MGST1: variants seen among roughly 807,000 people sequenced by gnomAD.
MGST1 encodes glutathione S-transferase 12.
A neutral mutation model predicts 8.9 loss-of-function variants in MGST1; 5 were observed. That is an observed-to-expected ratio of 0.56 (90% CI 0.29 to 1.19). The LOEUF (loss-of-function observed/expected upper bound fraction) is 1.19, where lower values mean the gene tolerates loss of function less well. Ranked by LOEUF, MGST1 falls within the 50% of genes most tolerant of loss-of-function variation. The pLI is 0.08. For synonymous variants in MGST1, 54 were observed against 67.8 expected, an observed-to-expected ratio of 0.80 and a Z score of 1.00; for missense variants, 182 against 187.4, an observed-to-expected ratio of 0.97 and a Z score of 0.17.
chr12:16,437,748 A>C (rs1941001002), exon 2 of MGST1: 1 of 152,040 alleles, frequency 6.6e-6, no homozygotes. Flanking sequence ...TTTGGAAAAC[A>C]GGAATAAGTG....
At position 16,400,618 on chromosome 12, in the gene MGST1, C is replaced by T. The variant is rs182550310; in HGVS notation, n.778+17014C>T. The T allele has an allele frequency of 8.7e-5, 110 of 1,262,406 alleles. 1 individual carries two copies. Among genetic ancestry groups the T allele is most frequent in the African/African-American group, 6.9e-4 (47 of 68,130 alleles). 78.2% of individuals were successfully genotyped at this position (1,262,406 alleles called of 1,614,324 possible). On this transcript the variant is annotated intron_variant and non_coding_transcript_variant, in intron 1 of 1. Coordinates refer to the MGST1 transcript ENST00000359720. The stretch of plus-strand genomic sequence containing the variant: ...TGTCTGTTCCCCGGTCATCGTATGA[C>T]GCTTGGTATGTAATTTCTTTGACAA...
At chr12:16,572,339 C>CTTTTTTTTTTTTTTTTTTT (rs59773866) in intron 4 of MGST1, among the ~76,000 whole-genome samples, 6 of 89,530 alleles carry the variant, frequency 6.7e-5, no homozygotes, top group Non-Finnish European at 8.3e-5. Flanking sequence ...GGTCCAAACT[C>CTTTTTTTTTTTTTTTTTTT]TTTTTTTTTT....
At chr12:16,514,052 A>T (rs1941594750) in intron 4 of MGST1, 2 of 390,732 alleles carry the variant, frequency 5.1e-6, no homozygotes, top group Non-Finnish European at 1.0e-5. Context: ...CCTGGTCCCA[A>T]GCAGCAGAAG....
rs1940546150 is a variant in MGST1, at chr12:16,390,857, G to A, written n.778+7253G>A. On this transcript the variant is annotated intron_variant and non_coding_transcript_variant, in intron 1 of 1. Coordinates refer to the MGST1 transcript ENST00000359720. ...GATTGCTGGGTCAAATGGTATTTCTGTTTTTAGCTCTTTGAGGAAGCGCCA... is the reference window on the plus strand; with the variant it reads ...GATTGCTGGGTCAAATGGTATTTCTATTTTTAGCTCTTTGAGGAAGCGCCA... Among the ~76,000 whole-genome samples, 3 of 152,186 alleles carry A rather than the reference G, an allele frequency of 2.0e-5. No homozygotes were observed. In the South Asian group the frequency reaches 6.2e-4, roughly 32 times the overall value.
Position 16,431,987 on chromosome 12 carries a change from C to T in MGST1, n.779-5401C>T, listed in dbSNP as rs184387664. 1.7e-3 allele frequency among the ~76,000 whole-genome samples: 264 copies of T among 152,164 alleles called. 3 individuals carry two copies. Among genetic ancestry groups the T allele is most frequent in the African/African-American group, 6.1e-3 (255 of 41,524 alleles). On this transcript the variant is annotated intron_variant and non_coding_transcript_variant, in intron 1 of 1. Transcript: ENST00000359720. ...CATTTATAAAATCTCTTCTTTAATC[C>T]ATTTGAGAAATTCATTTTGATGATT...
rs1007925875 is a variant in MGST1, at chr12:16,471,702, A to C, written n.482+88098A>C. ...ACAATCTAACATGATCTAGCTTTAT[A>C]CTAAATTTACTATTGATAGTAGAAG... is the stretch of plus-strand genomic sequence containing the variant. On this transcript the variant is annotated intron_variant and non_coding_transcript_variant, in intron 4 of 4. Coordinates refer to the MGST1 transcript ENST00000538857. Among the ~76,000 whole-genome samples the C allele has an allele frequency of 2.0e-5, 3 of 152,210 alleles. No homozygotes were observed. In the East Asian group the frequency reaches 5.8e-4, roughly 29 times the overall value.
intron 4 of MGST1, among the ~76,000 whole-genome samples, chr12:16,450,201 A>G (rs191697063): frequency 6.6e-6 from 1 of 152,060 alleles, no homozygotes; most frequent in Non-Finnish European, 1.5e-5. Context: ...ACAGAAAGTA[A>G]TCAGCTGCTA....
intron 4 of MGST1, among the ~76,000 whole-genome samples, chr12:16,490,769 A>T (rs749560361): frequency 3.3e-5 from 5 of 152,168 alleles, no homozygotes; most frequent in African/African-American, 1.2e-4. Context: ...GCTGTATGAC[A>T]CCTGAGCATG....
At chr12:16,452,346 A>T (rs906403155) in intron 4 of MGST1, among the ~76,000 whole-genome samples, 1 of 151,250 alleles carries the variant, frequency 6.6e-6, no homozygotes, top group Admixed American at 6.6e-5. Context: ...ATGCTCTCAA[A>T]TTCACTTCCT....
At chr12:16,414,637 C>T (rs1204667972) in intron 1 of MGST1, among the ~76,000 whole-genome samples, 6 of 151,834 alleles carry the variant, frequency 4.0e-5, no homozygotes, top group South Asian at 2.1e-4. Context: ...GGATAGTCTC[C>T]ATCTCCTGAC....
intron 4 of MGST1, among the ~76,000 whole-genome samples, chr12:16,561,002 A>C (rs1234169198): frequency 6.6e-6 from 1 of 152,166 alleles, no homozygotes; most frequent in Non-Finnish European, 1.5e-5. Context: ...ATTTATGAAG[A>C]AGCCATTTAA....
intron 1 of MGST1, among the ~76,000 whole-genome samples, chr12:16,392,017 A>T (rs999964939): frequency 3.3e-5 from 5 of 152,070 alleles, no homozygotes; most frequent in South Asian, 4.1e-4. Context: ...TCCCATTGCT[A>T]GTTTTTGTCA....
At chr12:16,521,788 G>A (rs1180016444) in intron 4 of MGST1, among the ~76,000 whole-genome samples, 1 of 152,090 alleles carries the variant, frequency 6.6e-6, no homozygotes, top group African/African-American at 2.4e-5. Flanking sequence ...TCCAAAGAAA[G>A]AAAAGTGAAA....
In MGST1 at chr12:16,560,454, A is replaced by G. The variant is rs1231964332; in HGVS notation, n.483-29074A>G. On this transcript the variant is annotated intron_variant and non_coding_transcript_variant, in intron 4 of 4. Coordinates refer to the MGST1 transcript ENST00000538857. The surrounding 1 kb of genome is among the most constrained non-coding windows in gnomAD (Gnocchi z 5.0). ...GACATGCAAAGCAGTCCAGGTGGTA[A>G]ACATTGTCCTTGGCACGCATCACCA... The G allele has an allele frequency of 6.2e-7, 1 of 1,613,890 alleles. No individual in the cohort carries two copies. The highest frequency in any genetic ancestry group is 8.5e-7 in the Non-Finnish European group (1 of 1,179,924).
rs543441099 is a variant in MGST1 at position 16,429,908 on chromosome 12, A to C, written n.779-7480A>C. On this transcript the variant is annotated intron_variant and non_coding_transcript_variant, in intron 1 of 1. Transcript: ENST00000359720. ...GCTGCATCAATGGACTCTTCCTTTT[A>C]TGAAAGATTTCTCTGTGGCATGTGA... is the stretch of plus-strand genomic sequence containing the variant. Among the ~76,000 whole-genome samples, 25 of 152,322 alleles carry C rather than the reference A, an allele frequency of 1.6e-4. No homozygotes were observed. In the South Asian group the frequency reaches 1.7e-3, roughly 10 times the overall value.
In MGST1 at chr12:16,354,264, C is replaced by T. The variant is rs1194971549; in HGVS notation, c.12C>T (p.Leu4=). MVD[L]TQVMDDEVFM... ...CCAAAATTGAAAAAATGGTTGACCTCACCCAGGTAATGGATGATGAAGTAT... is the reference window on the plus strand; with the variant it reads ...CCAAAATTGAAAAAATGGTTGACCTTACCCAGGTAATGGATGATGAAGTAT... Residue 4 remains leucine, a synonymous_variant, in exon 2 of 4, where the codon CTC becomes CTT. Transcript: ENST00000396210. The T allele has an allele frequency of 1.9e-6, 3 of 1,590,330 alleles. No homozygotes were observed. Among genetic ancestry groups the T allele is most frequent in the South Asian group, 2.4e-5 (2 of 84,162 alleles).
intron 1 of MGST1, among the ~76,000 whole-genome samples, chr12:16,349,545 T>C (rs1939360822): frequency 6.6e-6 from 1 of 152,150 alleles, no homozygotes; most frequent in Non-Finnish European, 1.5e-5. Flanking sequence ...TACTCACTAC[T>C]TTTCTGGGCC....
Position 16,414,400 on chromosome 12 carries a change from T to A in MGST1, n.779-22988T>A, listed in dbSNP as rs1181554106. On this transcript the variant is annotated intron_variant and non_coding_transcript_variant, in intron 1 of 1. Transcript: ENST00000359720. ...TTAGGCCTCAAGGTGTTTTTATTTT[T>A]TTTTTTATTTTTTATTTATTTATTT... 1.6e-3 allele frequency among the ~76,000 whole-genome samples: 237 copies of A among 146,954 alleles called. 1 individual carries two copies. The highest frequency in any genetic ancestry group is 2.7e-3 in the Non-Finnish European group (181 of 67,362).
Position 16,400,739 on chromosome 12 carries a change from T to C in MGST1, n.778+17135T>C, listed in dbSNP as rs1940647760. On this transcript the variant is annotated intron_variant and non_coding_transcript_variant, in intron 1 of 1. Coordinates refer to the MGST1 transcript ENST00000359720. Reference sequence around the variant, plus strand: ...GATTTGCAAGTAAGTATAATCTCCTTCCACGGACATACTTATATTCTTGAT... The same window carrying C: ...GATTTGCAAGTAAGTATAATCTCCTCCCACGGACATACTTATATTCTTGAT... The C allele has an allele frequency of 2.3e-6, 3 of 1,279,548 alleles. No homozygotes were observed. The African/African-American group carries it at 4.4e-5, about 19-fold the overall frequency. The allele number at this position is 1,279,548 out of a possible 1,614,324, so 79.3% of individuals were successfully genotyped here. A position where few individuals can be genotyped will look rare whatever the true frequency, so the allele number is the denominator to read the frequency against.
Sources: allele counts gnomAD v4.1 joint callset (sites outside exome capture counted in the v4.1 genomes callset), GRCh38; gene constraint gnomAD v4.1.1; non-coding constraint Gnocchi (gnomAD v3.1); transcripts MANE v1.5; gene names NCBI Gene and HGNC (gene_info 2026-07-23, HGNC 2026-07-21).